TMED9: variants seen among roughly 807,000 people sequenced by gnomAD.
TMED9 encodes the protein transmembrane emp24 domain-containing protein 9.
In TMED9, 22 loss-of-function variants were observed where a neutral mutation model predicts 30.6. The ratio of observed to expected loss-of-function variants is 0.72; its 90% CI spans 0.51 to 1.03. The LOEUF (loss-of-function observed/expected upper bound fraction) is 1.03. Ranked by LOEUF, TMED9 falls within the 50% of genes least tolerant of loss-of-function variation. The pLI is 0.00. For synonymous variants in TMED9, 146 were observed against 122.8 expected (o/e 1.19, Z -1.25); for missense variants, 251 against 302.1 (o/e 0.83, Z 1.25).
intron 4 of TMED9, among the ~76,000 whole-genome samples, 172 bp downstream of exon 4, chr5:177,594,457 G>C (rs953213878): frequency 6.6e-6 from 1 of 152,228 alleles, no homozygotes; most frequent in African/African-American, 2.4e-5. Context: ...ATACAGACTC[G>C]TAAGAGGCTG....
Position 177,596,037 on chromosome 5 carries a change from G to A in TMED9, c.*621G>A, listed in dbSNP as rs1279944076. ...GGTGCTGGTTGGGGTGGGGCCTGCA[G>A]AGTCTTAGTTACTGATTTCATTTTC... On this transcript the variant is annotated 3_prime_UTR_variant, in exon 5 of 5. Transcript: ENST00000332598. 6.6e-6 allele frequency: 1 copy of A among 152,544 alleles called. No homozygotes were observed. The highest frequency in any genetic ancestry group is 1.5e-5 in the Non-Finnish European group (1 of 68,056). The allele number at this position is 152,544 out of a possible 1,614,324, so 9.4% of individuals were successfully genotyped here.
In TMED9 at chr5:177,595,569, G is replaced by C; in HGVS notation, c.*153G>C. ...CCACAGGCACAAGCTGAAGGCAGCA[G>C]CTTGGCTAATACTGAGCAGGTAGTG... On this transcript the variant is annotated 3_prime_UTR_variant, in exon 5 of 5. Transcript: ENST00000332598. 1.1e-6 allele frequency: 1 copy of C among 936,700 alleles called. No homozygotes were observed. Among genetic ancestry groups the C allele is most frequent in the Non-Finnish European group, 1.6e-6 (1 of 639,718 alleles). The allele number at this position is 936,700 out of a possible 1,614,324, so 58.0% of individuals were successfully genotyped here. A position where few individuals can be genotyped will look rare whatever the true frequency, so the allele number is the denominator to read the frequency against.
chr5:177,592,692 C>A lies in TMED9; in HGVS notation c.285+17C>A, dbSNP rs539246431. 56 of 1,555,182 alleles carry A rather than the reference C, an allele frequency of 3.6e-5. No individual in the cohort carries two copies. Among genetic ancestry groups the A allele is most frequent in the East Asian group, 1.9e-4 (8 of 42,190 alleles). ...GAGGACAAGGTGAGCCAACCGCCCC[C>A]CTCCTCTCCGCCAGCCTCTCAGCTA... On this transcript the variant is annotated intron_variant, in intron 2 of 4. Coordinates refer to ENST00000332598, the MANE Select transcript of TMED9 (RefSeq NM_017510.6).
intron 2 of TMED9, 118 bp downstream of exon 2, chr5:177,592,793 C>T (rs1365465410): frequency 2.7e-6 from 2 of 744,578 alleles, no homozygotes; most frequent in African/African-American, 1.8e-5. Flanking sequence ...GTGGGAATAT[C>T]CTGCTGACTT....
At position 177,594,171 on chromosome 5, in the gene TMED9, T is replaced by C. The variant is rs953403683; in HGVS notation, c.444T>C (p.His148=). Residue 148 remains histidine (H), a synonymous_variant, in exon 4 of 5, where the codon CAT becomes CAC. Coordinates refer to ENST00000332598, the MANE Select transcript of TMED9 (RefSeq NM_017510.6). ...RVHLDIQVGE[H]ANDYAEIAAK... ...ACCTGGACATCCAGGTAGGTGAACATGCCAATGACTATGCAGAAATTGCTG... is the reference window on the plus strand; with the variant it reads ...ACCTGGACATCCAGGTAGGTGAACACGCCAATGACTATGCAGAAATTGCTG... The C allele has an allele frequency of 5.0e-6, 8 of 1,614,124 alleles. No individual in the cohort carries two copies. Among genetic ancestry groups the C allele is most frequent in the African/African-American group, 1.3e-5 (1 of 74,940 alleles).
chr5:177,595,553 C>T lies in TMED9; in HGVS notation c.*137C>T. On this transcript the variant is annotated 3_prime_UTR_variant, in exon 5 of 5. Coordinates refer to ENST00000332598, the MANE Select transcript of TMED9 (RefSeq NM_017510.6). Reference sequence around the variant, plus strand: ...GAGGGGCTGGAGGCACCCACAGGCACAAGCTGAAGGCAGCAGCTTGGCTAA... The same window carrying T: ...GAGGGGCTGGAGGCACCCACAGGCATAAGCTGAAGGCAGCAGCTTGGCTAA... The T allele has an allele frequency of 9.3e-7, 1 of 1,075,182 alleles. No homozygotes were observed. The highest frequency in any genetic ancestry group is 1.3e-6 in the Non-Finnish European group (1 of 758,396). 66.6% of individuals were successfully genotyped at this position (1,075,182 alleles called of 1,614,324 possible).
chr5:177,593,829 A>G, intron 3 of TMED9, 54 bp downstream of exon 3: 2 of 1,603,872 alleles, frequency 1.2e-6, no homozygotes, highest in African/African-American at 1.3e-5. Flanking sequence ...TTTGGTGAGG[A>G]CTGGGGGACT....
In TMED9 at chr5:177,592,214, G is replaced by A; in HGVS notation, c.-1G>A. On this transcript the variant is annotated 5_prime_UTR_variant, in exon 1 of 5. Transcript: ENST00000332598. The stretch of plus-strand genomic sequence containing the variant: ...GCGGCTGCGCAGGCAGGTGGAGCAA[G>A]ATGGCTGTGGAGCTGGGCGTGCTGC... 1.3e-6 allele frequency: 2 copies of A among 1,598,826 alleles called. No individual in the cohort carries two copies. The highest frequency in any genetic ancestry group is 1.7e-6 in the Non-Finnish European group (2 of 1,174,160).
intron 4 of TMED9, among the ~76,000 whole-genome samples, chr5:177,594,679 T>C (rs575902503): frequency 6.6e-6 from 1 of 152,360 alleles, no homozygotes; most frequent in East Asian, 1.9e-4. Flanking sequence ...CTGTTCAGTG[T>C]CACCTGGGGG....
intron 4 of TMED9, among the ~76,000 whole-genome samples, chr5:177,594,783 A>AT (rs1302641591): frequency 6.6e-6 from 1 of 152,036 alleles, no homozygotes; most frequent in Non-Finnish European, 1.5e-5. Context: ...TTTATTTTTT[A>AT]TTTTTTTCTA....
At position 177,593,719 on chromosome 5, in the gene TMED9, C is replaced by T. The variant is rs868634326; in HGVS notation, c.355C>T (p.Gln119Ter). 6.2e-7 allele frequency: 1 copy of T among 1,614,220 alleles called. No individual in the cohort carries two copies. Among genetic ancestry groups the T allele is most frequent in the Non-Finnish European group, 8.5e-7 (1 of 1,180,038 alleles). The change falls in exon 3 of 5, where the codon CAG becomes TAG. Residue 119 changes from glutamine (Q) to a stop codon, truncating the protein, a stop_gained. Transcript: ENST00000332598. LOFTEE classifies it high-confidence loss of function. Reference protein sequence around the residue: ...TFTSHTPGEHQICLHSNSTKF... With the variant: ...TFTSHTPGEH ...CACTTCCCATACCCCTGGTGAGCAC[C>T]AGATCTGTCTTCACTCCAATTCCAC... is the stretch of plus-strand genomic sequence containing the variant.
chr5:177,594,133 C>T lies in TMED9; in HGVS notation c.412-6C>T, dbSNP rs545823187. The T allele has an allele frequency of 1.9e-6, 3 of 1,614,074 alleles. No homozygotes were observed. Among genetic ancestry groups the T allele is most frequent in the African/African-American group, 1.3e-5 (1 of 75,050 alleles). Reference sequence around the variant, plus strand: ...GATTTCCCTTATCTCCTTTGTCTGTCCTCAGAGAGTTCACCTGGACATCCA... The same window carrying T: ...GATTTCCCTTATCTCCTTTGTCTGTTCTCAGAGAGTTCACCTGGACATCCA... On this transcript the variant is annotated splice_polypyrimidine_tract_variant and splice_region_variant and intron_variant, in intron 3 of 4. Coordinates refer to ENST00000332598, the MANE Select transcript of TMED9 (RefSeq NM_017510.6).
rs1040110625 is a variant in TMED9 at position 177,595,439 on chromosome 5, T to A, written c.*23T>A. ...TAGCTGTCCCAGGCGTCACAACCCA[T>A]CCTCCCAGGCTGGGGGAGAAAGGAC... On this transcript the variant is annotated 3_prime_UTR_variant, in exon 5 of 5. Coordinates refer to ENST00000332598, the MANE Select transcript of TMED9 (RefSeq NM_017510.6). The A allele has an allele frequency of 6.9e-6, 11 of 1,589,728 alleles. No homozygotes were observed. Among genetic ancestry groups the A allele is most frequent in the Non-Finnish European group, 7.7e-6 (9 of 1,162,966 alleles).
Position 177,595,580 on chromosome 5 carries a change from A to C in TMED9, c.*164A>C. The C allele has an allele frequency of 1.3e-6, 1 of 795,854 alleles. No homozygotes were observed. The highest frequency in any genetic ancestry group is 2.1e-5 in the South Asian group (1 of 48,036). The allele number at this position is 795,854 out of a possible 1,614,324, so 49.3% of individuals were successfully genotyped here. A position where few individuals can be genotyped will look rare whatever the true frequency, so the allele number is the denominator to read the frequency against. The stretch of plus-strand genomic sequence containing the variant: ...AGCTGAAGGCAGCAGCTTGGCTAAT[A>C]CTGAGCAGGTAGTGGGGCAAATTCC... On this transcript the variant is annotated 3_prime_UTR_variant, in exon 5 of 5. Transcript: ENST00000332598.
Position 177,592,417 on chromosome 5 carries a change from A to T in TMED9, c.184+19A>T. On this transcript the variant is annotated intron_variant, in intron 1 of 4. Transcript: ENST00000332598. ...GTCATAGGTGCGGGGGCGGGGAGGA[A>T]GGGGCGAGTTTGGAACGTGACCGTG... The T allele has an allele frequency of 1.3e-6, 2 of 1,583,090 alleles. No individual in the cohort carries two copies. Among genetic ancestry groups the T allele is most frequent in the South Asian group, 2.3e-5 (2 of 87,342 alleles).
chr5:177,595,844 A>C lies in TMED9; in HGVS notation c.*428A>C, dbSNP rs1345540819. The C allele has an allele frequency of 6.5e-6, 1 of 153,718 alleles. No individual in the cohort carries two copies. Among genetic ancestry groups the C allele is most frequent in the African/African-American group, 2.4e-5 (1 of 41,298 alleles). 9.5% of individuals were successfully genotyped at this position (153,718 alleles called of 1,614,324 possible). A position where few individuals can be genotyped will look rare whatever the true frequency, so the allele number is the denominator to read the frequency against. ...ACCCACCTGCCACCCTGGGAACCTC[A>C]CTGTTCTCTCTTTCAGCCTAGACCT... On this transcript the variant is annotated 3_prime_UTR_variant, in exon 5 of 5. Coordinates refer to ENST00000332598, the MANE Select transcript of TMED9 (RefSeq NM_017510.6).
rs1767683221 is a variant in TMED9, at chr5:177,596,007, G to T, written c.*591G>T. On this transcript the variant is annotated 3_prime_UTR_variant, in exon 5 of 5. Coordinates refer to ENST00000332598, the MANE Select transcript of TMED9 (RefSeq NM_017510.6). Reference sequence around the variant, plus strand: ...AGAACTGGGACCAGACCAAGTAGAGGCCTTGGTGCTGGTTGGGGTGGGGCC... The same window carrying T: ...AGAACTGGGACCAGACCAAGTAGAGTCCTTGGTGCTGGTTGGGGTGGGGCC... 1 of 152,656 alleles carries T rather than the reference G, an allele frequency of 6.6e-6. No homozygotes were observed. Among genetic ancestry groups the T allele is most frequent in the Admixed American group, 6.5e-5 (1 of 15,278 alleles). 9.5% of individuals were successfully genotyped at this position (152,656 alleles called of 1,614,324 possible).
chr5:177,592,544 T>G, intron 1 of TMED9, 31 bp from the exon 2 acceptor site: 1 of 1,599,258 alleles, frequency 6.3e-7, no homozygotes, highest in East Asian at 2.2e-5. Flanking sequence ...CTCGCGCTCC[T>G]CTGACCTGGG....
chr5:177,592,696 CTCT>C (rs780599954), intron 2 of TMED9, 21 bp downstream of exon 2: 1 of 1,543,650 alleles, frequency 6.5e-7, no homozygotes. Context: ...CGCCCCCCTC[CTCT>C]CCGCCAGCCT....
Sources: allele counts gnomAD v4.1 joint callset (sites outside exome capture counted in the v4.1 genomes callset), GRCh38; gene constraint gnomAD v4.1.1; transcripts MANE v1.5; gene names NCBI Gene and HGNC (gene_info 2026-07-23, HGNC 2026-07-21).